The following THSD4 variants were observed in gnomAD, a reference collection of about 807,000 sequenced individuals.
THSD4 encodes the protein thrombospondin type-1 domain-containing protein 4.
Under a neutral mutation model 119.0 loss-of-function variants are expected in THSD4, and 69 were observed. That is an observed-to-expected ratio of 0.58 (90% CI 0.48 to 0.71). The LOEUF is 0.71. THSD4 is among the 30% of genes least tolerant of loss of function. THSD4 has a pLI of 0.00. For missense variants in THSD4, 1,393 were observed against 1,391.1 expected, an observed-to-expected ratio of 1.00 and a Z score of -0.02; for synonymous variants, 524 against 540.4, an observed-to-expected ratio of 0.97 and a Z score of 0.42.
intron 1 of THSD4, among the ~76,000 whole-genome samples, chr15:71,099,851 T>C (rs1026707494): frequency 2.4e-4 from 36 of 151,952 alleles, no homozygotes; most frequent in African/African-American, 7.5e-4. Context: ...TGTGGTTCCA[T>C]TGGGAGGCAG....
At chr15:71,125,023 A>G (rs1030592598) in intron 1 of THSD4, among the ~76,000 whole-genome samples, 5 of 152,122 alleles carry the variant, frequency 3.3e-5, no homozygotes, top group Middle Eastern at 3.2e-3. Context: ...GCAGTGAGCC[A>G]TGTTCATGCA....
chr15:71,252,623 C>G (rs776963649), intron 5 of THSD4, among the ~76,000 whole-genome samples: 4 of 152,164 alleles, frequency 2.6e-5, no homozygotes, highest in Non-Finnish European at 5.9e-5. Context: ...TACACAGTCA[C>G]GAAGGGCACC....
At chr15:71,724,478 G>A (rs947862359) in intron 8 of THSD4, among the ~76,000 whole-genome samples, 1 of 151,104 alleles carries the variant, frequency 6.6e-6, no homozygotes, top group African/African-American at 2.4e-5. Flanking sequence ...GTAGAGACGG[G>A]GTTTCACCAT....
At chr15:71,136,721 C>A (rs2040555260) in intron 1 of THSD4, among the ~76,000 whole-genome samples, 2 of 151,938 alleles carry the variant, frequency 1.3e-5, no homozygotes, top group Admixed American at 1.3e-4. Flanking sequence ...TTCCTGAACC[C>A]CGACTTGAGA....
intron 7 of THSD4, among the ~76,000 whole-genome samples, chr15:71,566,004 C>G (rs1567039984): frequency 6.6e-6 from 1 of 152,162 alleles, no homozygotes; most frequent in Non-Finnish European, 1.5e-5. Flanking sequence ...CCTGAAAGGG[C>G]ACTCCAAGTG....
rs762462184 is a variant in THSD4, at chr15:71,409,145, CTT to C, written c.1016-2533_1016-2532del. 6.3e-3 allele frequency among the ~76,000 whole-genome samples: 769 copies of C among 121,942 alleles called. 4 individuals are homozygous for C. Among genetic ancestry groups the C allele is most frequent in the Non-Finnish European group, 9.5e-3 (529 of 55,604 alleles). The allele number at this position is 121,942 out of a possible 152,430, so 80.0% of individuals were successfully genotyped here. On this transcript the variant is annotated intron_variant, in intron 6 of 17. Transcript: ENST00000261862. ...TCTGCTGTAATTGTCTCACGTTTAGCTTTTTTTTTTCCCCCCCCCTCAGAATG... is the reference window on the plus strand; with the variant it reads ...TCTGCTGTAATTGTCTCACGTTTAGCTTTTTTTTCCCCCCCCCTCAGAATG...
At chr15:71,532,740 TTTTC>T (rs1358780364) in intron 7 of THSD4, among the ~76,000 whole-genome samples, 1 of 152,242 alleles carries the variant, frequency 6.6e-6, no homozygotes, top group African/African-American at 2.4e-5. Flanking sequence ...TGCAAAGCCA[TTTTC>T]TTTCTTTCTT....
rs78193019 is a variant in THSD4, at chr15:71,669,595, T to C, written c.1357+8861T>C. 4.5e-3 allele frequency among the ~76,000 whole-genome samples: 688 copies of C among 152,344 alleles called. 3 individuals are homozygous for C. The highest frequency in any genetic ancestry group is 0.016 in the African/African-American group (649 of 41,574). On this transcript the variant is annotated intron_variant, in intron 8 of 17. Transcript: ENST00000261862. ...AGCTTTTAAGAATTTTTATTAAAAC[T>C]TGCCCGTTTTGTTTAGTTTTCTTCT...
chr15:71,254,262 G>C (rs952367338), intron 5 of THSD4, among the ~76,000 whole-genome samples: 2 of 152,194 alleles, frequency 1.3e-5, no homozygotes, highest in African/African-American at 4.8e-5. Context: ...GGCCTTCAGC[G>C]CTCTGGGCTC....
At chr15:71,536,222 T>C (rs7166482) in intron 7 of THSD4, among the ~76,000 whole-genome samples, 40,984 of 152,086 alleles carry the variant, frequency 0.27, 6,281 homozygotes, top group East Asian at 0.63. Context: ...ACCGCAGGCC[T>C]TGTGGAGGCT....
Position 71,656,323 on chromosome 15 carries a change from G to A in THSD4, c.1153-4207G>A, listed in dbSNP as rs540817417. Among the ~76,000 whole-genome samples, 58 of 152,200 alleles carry A rather than the reference G, an allele frequency of 3.8e-4. No individual in the cohort carries two copies. In the South Asian group the frequency reaches 9.4e-3, roughly 25 times the overall value. ...AGGGAAAGCTGGGTGAAAGACCACCGAAACTCTCTGCGCTCATTTTAAACT... is the reference window on the plus strand; with the variant it reads ...AGGGAAAGCTGGGTGAAAGACCACCAAAACTCTCTGCGCTCATTTTAAACT... On this transcript the variant is annotated intron_variant, in intron 7 of 17. Transcript: ENST00000261862.
intron 8 of THSD4, among the ~76,000 whole-genome samples, chr15:71,722,172 G>C (rs17799522): frequency 0.17 from 25,638 of 152,124 alleles, 2,369 homozygotes; most frequent in Middle Eastern, 0.22. Flanking sequence ...CCCTGGAACT[G>C]CTTGCAGGCA....
At chr15:71,225,545 T>C (rs897892992) in intron 4 of THSD4, among the ~76,000 whole-genome samples, 66 of 78,286 alleles carry the variant, frequency 8.4e-4, no homozygotes, top group African/African-American at 2.6e-3. Flanking sequence ...TTTTCTTTTT[T>C]TTTTTCTTTT....
intron 8 of THSD4, among the ~76,000 whole-genome samples, chr15:71,687,773 C>CAAAG (rs3086725): frequency 0.74 from 107,336 of 144,570 alleles, 42,413 homozygotes; most frequent in Non-Finnish European, 0.86. Context: ...AAAAAAAAAA[C>CAAAG]AAACCAGCAC....
chr15:71,518,977 CAATT>C (rs561492066), intron 7 of THSD4, among the ~76,000 whole-genome samples: 243 of 152,230 alleles, frequency 1.6e-3, no homozygotes, highest in Middle Eastern at 3.4e-3. Flanking sequence ...CATTTTTAAA[CAATT>C]AATAATCTGG....
chr15:71,747,704 C>T (rs2053366669), intron 13 of THSD4, among the ~76,000 whole-genome samples: 2 of 152,176 alleles, frequency 1.3e-5, no homozygotes, highest in African/African-American at 2.4e-5. Flanking sequence ...CTTCATGAGT[C>T]AGAAATAAAT....
At chr15:71,499,542 A>G (rs1266644156) in intron 7 of THSD4, among the ~76,000 whole-genome samples, 1 of 151,362 alleles carries the variant, frequency 6.6e-6, no homozygotes, top group African/African-American at 2.4e-5. Flanking sequence ...AACAATTTTT[A>G]AGTGTATAGT....
At chr15:71,580,910 TTA>T (rs948487518) in intron 7 of THSD4, among the ~76,000 whole-genome samples, 3 of 152,068 alleles carry the variant, frequency 2.0e-5, no homozygotes, top group South Asian at 2.1e-4. Flanking sequence ...TATGTGTGTG[TTA>T]TATATATACA....
intron 3 of THSD4, among the ~76,000 whole-genome samples, chr15:71,199,628 GT>G (rs2043760182): frequency 2.8e-5 from 2 of 71,866 alleles, no homozygotes; most frequent in African/African-American, 7.2e-5. Context: ...TGGGTGTGTG[GT>G]GTGTGTGGTG....
Sources: gnomAD v4.1 joint callset for allele counts (sites outside exome capture counted in the v4.1 genomes callset) on GRCh38, gnomAD v4.1.1 for gene constraint, MANE v1.5 for transcripts, NCBI Gene and HGNC (gene_info 2026-07-23, HGNC 2026-07-21) for gene names.